TFR2: variants seen among roughly 807,000 people sequenced by gnomAD.
TFR2 encodes the protein transferrin receptor protein 2.
Under a neutral mutation model 91.9 loss-of-function variants are expected in TFR2, and 64 were observed. The observed-to-expected ratio is 0.70, with a 90% confidence interval of 0.57 to 0.86. The LOEUF (loss-of-function observed/expected upper bound fraction) is 0.86. TFR2 is among the 40% of genes least tolerant of loss of function. TFR2 has a pLI of 0.00. For synonymous variants in TFR2, 454 were observed against 459.6 expected (o/e 0.99, Z 0.15); for missense variants, 950 against 1,080.5 (o/e 0.88, Z 1.69).
At chr7:100,625,227 T>C (rs906247097) in intron 17 of TFR2, among the ~76,000 whole-genome samples, 1 of 151,700 alleles carries the variant, frequency 6.6e-6, no homozygotes. Context: ...GCCCAGCTAA[T>C]TTTGTATTTT....
chr7:100,629,119 A>G lies in TFR2; in HGVS notation c.1390+134T>C, dbSNP rs562534588. On this transcript the variant is annotated intron_variant, in intron 10 of 17. Coordinates refer to ENST00000223051, the MANE Select transcript of TFR2 (RefSeq NM_003227.4). ...TGAAGTGACTGGCCCAGGGCCACTC[A>G]GGTACAATGTGGATGCCGAGGTCCA... 133 of 1,187,218 alleles carry G rather than the reference A, an allele frequency of 1.1e-4. 2 individuals carry two copies. In the Middle Eastern group the frequency reaches 3.8e-3, roughly 34 times the overall value. The allele number at this position is 1,187,218 out of a possible 1,614,324, so 73.5% of individuals were successfully genotyped here.
At chr7:100,632,939 C>A in intron 6 of TFR2, 62 bp downstream of exon 6, 1 of 1,613,258 alleles carries the variant, frequency 6.2e-7, no homozygotes, top group Non-Finnish European at 8.5e-7. Flanking sequence ...GAACGATTCT[C>A]ACTGGCAGTC....
chr7:100,640,426 C>T (rs1479865861), intron 3 of TFR2: 3 of 547,380 alleles, frequency 5.5e-6, no homozygotes, highest in African/African-American at 1.9e-5. Flanking sequence ...ATACTGGATG[C>T]TGCACCCCTC....
rs527966428 is a variant in TFR2 at position 100,621,040 on chromosome 7, C to T, written c.2223G>A (p.Leu741=). The T allele has an allele frequency of 6.9e-6, 11 of 1,585,882 alleles. No individual in the cohort carries two copies. In the South Asian group the frequency reaches 1.1e-4, roughly 16 times the overall value. The change falls in exon 18 of 18, where the codon CTG becomes CTA. Residue 741 remains leucine, a synonymous_variant. Coordinates refer to ENST00000223051, the MANE Select transcript of TFR2 (RefSeq NM_003227.4). ...HIFMGRGDHT[L]GALLDHLRLL... Reference sequence around the variant, plus strand: ...GCCGCAGGTGGTCCAGCAGGGCGCCCAGCGTGTGGTCTCCACGGCCCATGA... The same window carrying T: ...GCCGCAGGTGGTCCAGCAGGGCGCCTAGCGTGTGGTCTCCACGGCCCATGA...
intron 10 of TFR2, among the ~76,000 whole-genome samples, chr7:100,628,819 T>C (rs1163762763): frequency 1.3e-5 from 2 of 151,980 alleles, no homozygotes. Flanking sequence ...CAGGCTGGAG[T>C]GCAGTGGTGC....
chr7:100,634,857 G>A (rs754553652), intron 3 of TFR2, among the ~76,000 whole-genome samples: 3 of 152,172 alleles, frequency 2.0e-5, no homozygotes, highest in Non-Finnish European at 4.4e-5. Context: ...GTTCCTCAAC[G>A]AAGCCTTCCC....
At chr7:100,627,131 G>T (rs1485873558) in intron 16 of TFR2, 133 bp downstream of exon 16, 4 of 1,255,966 alleles carry the variant, frequency 3.2e-6, no homozygotes, top group Non-Finnish European at 1.1e-6. Context: ...GGAGACTGGA[G>T]GCAGGGGGTT....
In TFR2 at chr7:100,641,518, C is replaced by A. The variant is rs1803700923; in HGVS notation, c.-9G>T. The A allele has an allele frequency of 1.2e-6, 2 of 1,613,696 alleles. No homozygotes were observed. The highest frequency in any genetic ancestry group is 1.3e-5 in the African/African-American group (1 of 74,882). On this transcript the variant is annotated 5_prime_UTR_variant, in exon 1 of 18. Transcript: ENST00000223051. ...CCCCAAAGCCGCTCCATGCTTGTGT[C>A]CCCTCCTGAAGCCTGCAGGCTGTCC...
chr7:100,633,159 G>A (rs770212138), intron 5 of TFR2, 36 bp from the exon 6 acceptor site: 6 of 1,612,978 alleles, frequency 3.7e-6, no homozygotes, highest in Non-Finnish European at 2.5e-6. Flanking sequence ...CGCTCCCCGC[G>A]TCCCTCCTTC....
Position 100,620,971 on chromosome 7 carries a change from G to A in TFR2, c.2292C>T (p.Ser764=). 1 of 1,613,012 alleles carries A rather than the reference G, an allele frequency of 6.2e-7. No individual in the cohort carries two copies. The highest frequency in any genetic ancestry group is 1.3e-5 in the African/African-American group (1 of 75,038). ...GGAAACGGCTCTCCTGGAAGCCAGTGGAGGAGGTGGCCCCGGGGGTCCCGG... is the reference window on the plus strand; with the variant it reads ...GGAAACGGCTCTCCTGGAAGCCAGTAGAGGAGGTGGCCCCGGGGGTCCCGG... ...NSSGTPGATS[S]TGFQESRFRR... The change falls in exon 18 of 18, where the codon TCC becomes TCT. Residue 764 remains serine, a synonymous_variant. Coordinates refer to ENST00000223051, the MANE Select transcript of TFR2 (RefSeq NM_003227.4).
rs1214088040 is a variant in TFR2, at chr7:100,634,427, A to C, written c.474-871T>G. Among the ~76,000 whole-genome samples the C allele has an allele frequency of 2.0e-5, 3 of 151,940 alleles. No homozygotes were observed. The East Asian group carries it at 5.8e-4, about 29-fold the overall frequency. ...TACGCCACCAACCGCTGATTTTTAA[A>C]AATTTTTTGTAGACGAGAAGTCTTG... On this transcript the variant is annotated intron_variant, in intron 3 of 17. Transcript: ENST00000223051.
At position 100,626,896 on chromosome 7, in the gene TFR2, C is replaced by T. The variant is rs2131311209; in HGVS notation, c.2003G>A (p.Gly668Glu). 1 of 1,540,548 alleles carries T rather than the reference C, an allele frequency of 6.5e-7. No individual in the cohort carries two copies. The highest frequency in any genetic ancestry group is 1.2e-5 in the South Asian group (1 of 83,818). The change falls in exon 17 of 18, where the codon GGG (glycine) becomes GAG (glutamate). Residue 668 changes from glycine (G) to glutamate (E), a missense_variant. Gly to Glu is a moderately conservative substitution (Grantham distance 98). Transcript: ENST00000223051. ...NEFSGDLKAR[G>E]LTLQWVYSAR... ...CGAGTACACCCACTGCAGGGTCAGC[C>T]CGCGGGCCTGGGGTGGGGAGGCGCG... is the stretch of plus-strand genomic sequence containing the variant.
chr7:100,631,676 T>G (rs1584459306), intron 8 of TFR2, 130 bp downstream of exon 8: 3 of 1,216,950 alleles, frequency 2.5e-6, no homozygotes, highest in Non-Finnish European at 1.1e-6. Flanking sequence ...AGTGCAGTGG[T>G]GTAGTCATGG....
intron 17 of TFR2, among the ~76,000 whole-genome samples, chr7:100,622,975 CAA>C: frequency 6.3e-5 from 1 of 15,764 alleles, no homozygotes; most frequent in Non-Finnish European, 1.0e-4. Context: ...CAAAACCAAA[CAA>C]ACAAACAAAC....
Position 100,635,655 on chromosome 7 carries a change from T to C in TFR2, c.474-2099A>G, listed in dbSNP as rs527623351. Among the ~76,000 whole-genome samples the C allele has an allele frequency of 9.2e-5, 14 of 151,748 alleles. No individual in the cohort carries two copies. In the East Asian group the frequency reaches 2.5e-3, roughly 28 times the overall value. ...GTAGAGCCTAAAAAGGGTGAAACAGTGTTTCACCATGTTGGCCAGGCTGGT... is the reference window on the plus strand; with the variant it reads ...GTAGAGCCTAAAAAGGGTGAAACAGCGTTTCACCATGTTGGCCAGGCTGGT... On this transcript the variant is annotated intron_variant, in intron 3 of 17. Transcript: ENST00000223051.
intron 3 of TFR2, among the ~76,000 whole-genome samples, chr7:100,639,175 G>A (rs889733106): frequency 3.3e-5 from 5 of 152,136 alleles, no homozygotes; most frequent in Non-Finnish European, 5.9e-5. Flanking sequence ...AGACCAACCT[G>A]GGCAACATGG....
At position 100,641,006 on chromosome 7, in the gene TFR2, C is replaced by A; in HGVS notation, c.256G>T (p.Val86Phe). The change falls in exon 2 of 18, where the codon GTC becomes TTC. Residue 86 changes from valine to phenylalanine, a missense_variant. Transcript: ENST00000223051. Reference sequence around the variant, plus strand: ...GTGAAGATCAGCAGGGCCGTCAGGACCAGGTAGGGGGCAGCCCTCCGTCCT... The same window carrying A: ...GTGAAGATCAGCAGGGCCGTCAGGAACAGGTAGGGGGCAGCCCTCCGTCCT... ...AAGRRAAPYL[V>F]LTALLIFTGA... 6.2e-7 allele frequency: 1 copy of A among 1,605,952 alleles called. No individual in the cohort carries two copies. Among genetic ancestry groups the A allele is most frequent in the Non-Finnish European group, 8.5e-7 (1 of 1,174,884 alleles).
intron 3 of TFR2, among the ~76,000 whole-genome samples, chr7:100,636,503 A>G (rs549977303): frequency 6.9e-6 from 1 of 145,112 alleles, no homozygotes; most frequent in South Asian, 2.2e-4. Flanking sequence ...CATTACCCGC[A>G]CTCCATCTCT....
rs1255780295 is a variant in TFR2 at position 100,627,315 on chromosome 7, G to A, written c.1944C>T (p.Asp648=). The A allele has an allele frequency of 3.9e-6, 6 of 1,550,052 alleles. No homozygotes were observed. Among genetic ancestry groups the A allele is most frequent in the Non-Finnish European group, 4.4e-6 (5 of 1,146,930 alleles). ...GGTTCCCGATGTGCCTGAGGACGAC[G>A]TCCCCGTAGCGGCCGAAGTCGAGGG... ...LLPLDFGRYG[D]VVLRHIGNLN... is the part of the protein sequence containing the mutation. Residue 648 remains aspartate, a synonymous_variant, in exon 16 of 18, where the codon GAC becomes GAT. Transcript: ENST00000223051.
Sources: gnomAD v4.1 joint callset for allele counts (sites outside exome capture counted in the v4.1 genomes callset) on GRCh38, gnomAD v4.1.1 for gene constraint, MANE v1.5 for transcripts, NCBI Gene and HGNC (gene_info 2026-07-23, HGNC 2026-07-21) for gene names.